Variants in ZHX1 observed in about 807,000 individuals in gnomAD.
ZHX1 encodes the protein zinc fingers and homeoboxes 1.
A neutral mutation model predicts 61.8 loss-of-function variants in ZHX1; 20 were observed. That is an observed-to-expected ratio of 0.32 (90% CI 0.23 to 0.47). The LOEUF is 0.47. ZHX1 is among the 20% of genes least tolerant of loss of function. The pLI, the probability that ZHX1 is intolerant of heterozygous loss-of-function variation, is 1.00. For synonymous variants in ZHX1, 318 were observed against 352.6 expected (o/e 0.90, Z 1.10); for missense variants, 800 against 1,034.8 (o/e 0.77, Z 3.11).
At chr8:123,257,846 G>A (rs577165297) in intron 2 of ZHX1, among the ~76,000 whole-genome samples, 15 of 152,218 alleles carry the variant, frequency 9.9e-5, no homozygotes, top group African/African-American at 3.4e-4. Context: ...ATGGCACAGG[G>A]GTTGGGGACC....
chr8:123,264,028 T>C (rs1038721139), intron 2 of ZHX1, among the ~76,000 whole-genome samples: 2 of 152,158 alleles, frequency 1.3e-5, no homozygotes, highest in African/African-American at 4.8e-5. Context: ...AAACATTCTA[T>C]TTACTAAAGT....
intron 1 of ZHX1, among the ~76,000 whole-genome samples, chr8:123,269,743 C>A (rs1248643685): frequency 6.6e-6 from 1 of 152,196 alleles, no homozygotes; most frequent in African/African-American, 2.4e-5. Context: ...GAATAGGTAA[C>A]ACGTGTAAAG....
chr8:123,259,434 T>C (rs1826178210), intron 2 of ZHX1, among the ~76,000 whole-genome samples: 1 of 152,196 alleles, frequency 6.6e-6, no homozygotes, highest in Non-Finnish European at 1.5e-5. Flanking sequence ...TTTTTGTCAT[T>C]AGAAACAGGG....
Position 123,265,057 on chromosome 8 carries a change from C to G in ZHX1, c.-226+2216G>C, listed in dbSNP as rs927077684. Among the ~76,000 whole-genome samples the G allele has an allele frequency of 2.0e-5, 3 of 151,092 alleles. No homozygotes were observed. In the South Asian group the frequency reaches 6.3e-4, roughly 32 times the overall value. On this transcript the variant is annotated intron_variant, in intron 2 of 3. Transcript: ENST00000395571. ...TACAAAAATTAGCCCGGCGTCGTGGCGTGCACTTATAATTCCAGCTACTCG... is the reference window on the plus strand; with the variant it reads ...TACAAAAATTAGCCCGGCGTCGTGGGGTGCACTTATAATTCCAGCTACTCG...
chr8:123,258,500 T>C (rs1162966356), intron 2 of ZHX1, among the ~76,000 whole-genome samples: 2 of 152,226 alleles, frequency 1.3e-5, no homozygotes, highest in South Asian at 2.1e-4. Context: ...AAACTCTGGA[T>C]TGAGCCAAGG....
In ZHX1 at chr8:123,272,973, A is replaced by ATTTTT. The variant is rs148214782; in HGVS notation, c.-340+1239_-340+1243dup. Among the ~76,000 whole-genome samples, 333 of 145,050 alleles carry ATTTTT rather than the reference A, an allele frequency of 2.3e-3. 2 individuals are homozygous for ATTTTT. The highest frequency in any genetic ancestry group is 8.0e-3 in the African/African-American group (317 of 39,746). On this transcript the variant is annotated intron_variant, in intron 1 of 3. Coordinates refer to ENST00000395571, the MANE Select transcript of ZHX1 (RefSeq NM_007222.5). ...TTTCTCTCAAATATTAGCTCTTCGCATTTTTTTTTTTTTCTAATAGCTGGG... is the reference window on the plus strand; with the variant it reads ...TTTCTCTCAAATATTAGCTCTTCGCATTTTTTTTTTTTTTTTTTCTAATAGCTGGG...
chr8:123,263,513 T>C (rs1219385940), intron 2 of ZHX1, among the ~76,000 whole-genome samples: 1 of 152,100 alleles, frequency 6.6e-6, no homozygotes, highest in African/African-American at 2.4e-5. Flanking sequence ...AAAATACTTA[T>C]TAGGACCCCA....
At position 123,259,600 on chromosome 8, in the gene ZHX1, G is replaced by T. The variant is rs571048432; in HGVS notation, c.-225-3429C>A. On this transcript the variant is annotated intron_variant, in intron 2 of 3. Coordinates refer to ENST00000395571, the MANE Select transcript of ZHX1 (RefSeq NM_007222.5). Reference sequence around the variant, plus strand: ...CTGTTTCTAAAAAAAATAGTAAGTGGAAGAGTAATAAATGAGCAGCACTCA... The same window carrying T: ...CTGTTTCTAAAAAAAATAGTAAGTGTAAGAGTAATAAATGAGCAGCACTCA... Among the ~76,000 whole-genome samples the T allele has an allele frequency of 7.9e-5, 12 of 152,292 alleles. No individual in the cohort carries two copies. The South Asian group carries it at 2.5e-3, about 32-fold the overall frequency.
At chr8:123,266,841 C>T (rs1234740993) in intron 2 of ZHX1, among the ~76,000 whole-genome samples, 4 of 152,090 alleles carry the variant, frequency 2.6e-5, no homozygotes, top group South Asian at 2.1e-4. Context: ...TAGTAGCCTA[C>T]GTTTTGAAAA....
chr8:123,265,138 G>C (rs1054250291), intron 2 of ZHX1, among the ~76,000 whole-genome samples: 6 of 149,370 alleles, frequency 4.0e-5, no homozygotes, highest in African/African-American at 1.2e-4. Context: ...GCAGTAAGCC[G>C]AGATTGCGCC....
chr8:123,258,702 T>C (rs1301567418), intron 2 of ZHX1, among the ~76,000 whole-genome samples: 1 of 152,134 alleles, frequency 6.6e-6, no homozygotes, highest in Non-Finnish European at 1.5e-5. Context: ...GGCATCACCA[T>C]AGAGAACAGT....
intron 2 of ZHX1, among the ~76,000 whole-genome samples, chr8:123,263,815 CAGA>C (rs987125584): frequency 2.0e-4 from 30 of 151,164 alleles, no homozygotes; most frequent in African/African-American, 5.8e-4. Flanking sequence ...GCCTGGGCGA[CAGA>C]AGAAGACTCC....
At chr8:123,257,711 A>G (rs537206836) in intron 2 of ZHX1, among the ~76,000 whole-genome samples, 2 of 152,292 alleles carry the variant, frequency 1.3e-5, no homozygotes, top group African/African-American at 4.8e-5. Context: ...TTGTGCTCCT[A>G]TGAGAATCTA....
chr8:123,274,663 G>A (rs929275255), upstream of ZHX1, among the ~76,000 whole-genome samples: 9 of 151,614 alleles, frequency 5.9e-5, no homozygotes, highest in Non-Finnish European at 1.2e-4. Context: ...TCCGCCCCCT[G>A]TCAGGAGACG....
rs1411440887 is a variant in ZHX1, at chr8:123,249,415, A to G, written c.*909T>C. ...GAAACTGTTATAAAATTTCACTGAA[A>G]GATAACTCTTAAAAATTCTGATCTG... On this transcript the variant is annotated 3_prime_UTR_variant, in exon 4 of 4. Coordinates refer to ENST00000395571, the MANE Select transcript of ZHX1 (RefSeq NM_007222.5). 1 of 152,198 alleles carries G rather than the reference A, an allele frequency of 6.6e-6. No homozygotes were observed. The highest frequency in any genetic ancestry group is 2.4e-5 in the African/African-American group (1 of 41,458). 9.4% of individuals were successfully genotyped at this position (152,198 alleles called of 1,614,324 possible).
chr8:123,265,754 G>A (rs1459725930), intron 2 of ZHX1, among the ~76,000 whole-genome samples: 1 of 152,022 alleles, frequency 6.6e-6, no homozygotes, highest in Non-Finnish European at 1.5e-5. Flanking sequence ...ATAGTCTCAA[G>A]ACAATAGAAA....
At chr8:123,251,942 CCTGGTACATATTAAG>C (rs1825930180) in intron 3 of ZHX1, among the ~76,000 whole-genome samples, 1 of 151,976 alleles carries the variant, frequency 6.6e-6, no homozygotes. Flanking sequence ...AAGAATAGTG[CCTGGTACATATTAAG>C]CTCTCTATAA....
chr8:123,252,313 G>C (rs1295220866), intron 3 of ZHX1: 2 of 152,182 alleles, frequency 1.3e-5, no homozygotes, highest in Non-Finnish European at 1.5e-5. Flanking sequence ...TTAAATTCCA[G>C]AAGTATTAAG....
chr8:123,267,124 G>T (rs897065875), intron 2 of ZHX1, 149 bp downstream of exon 2: 81 of 550,478 alleles, frequency 1.5e-4, no homozygotes, highest in Admixed American at 1.1e-3. Context: ...CTTAAAATTT[G>T]AAAGTATATT....
Sources: gnomAD v4.1 joint callset for allele counts (sites outside exome capture counted in the v4.1 genomes callset) on GRCh38, gnomAD v4.1.1 for gene constraint, MANE v1.5 for transcripts, NCBI Gene and HGNC (gene_info 2026-07-23, HGNC 2026-07-21) for gene names.